USP36: variants seen among roughly 807,000 people sequenced by gnomAD.
USP36 encodes ubiquitin specific peptidase 36, also known as ubiquitin carboxyl-terminal hydrolase 36.
Under a neutral mutation model 111.5 loss-of-function variants are expected in USP36, and 59 were observed. The observed-to-expected ratio is 0.53, with a 90% confidence interval of 0.43 to 0.66. The LOEUF is 0.66. Ranked by LOEUF, USP36 falls within the 30% of genes least tolerant of loss-of-function variation. The pLI, the probability that USP36 is intolerant of heterozygous loss-of-function variation, is 0.00. For synonymous variants in USP36, 628 were observed against 581.0 expected (o/e 1.08, Z -1.16); for missense variants, 1,488 against 1,468.0 (o/e 1.01, Z -0.22).
At chr17:78,788,670 A>G (rs1470335825) in intron 3 of USP36, among the ~76,000 whole-genome samples, 3 of 152,066 alleles carry the variant, frequency 2.0e-5, no homozygotes, top group Non-Finnish European at 4.4e-5. Context: ...TGAAGGAAGG[A>G]AGGGCCAAGG....
At chr17:78,830,153 C>T (rs774682738) in intron 4 of USP36, among the ~76,000 whole-genome samples, 1 of 152,256 alleles carries the variant, frequency 6.6e-6, no homozygotes. Flanking sequence ...CATTCAAAGT[C>T]ACCACTATCC....
chr17:78,793,262 C>G (rs981534961), downstream of USP36, among the ~76,000 whole-genome samples: 1 of 151,962 alleles, frequency 6.6e-6, no homozygotes. Flanking sequence ...AGTCACTTAC[C>G]AAGAGTAGTG....
intron 10 of USP36, among the ~76,000 whole-genome samples, chr17:78,818,146 C>A (rs1453347727): frequency 6.6e-6 from 1 of 152,050 alleles, no homozygotes; most frequent in Non-Finnish European, 1.5e-5. Flanking sequence ...TTCTAAACTC[C>A]ATATTTCATA....
upstream of USP36, chr17:78,841,336 C>T (rs917911855): frequency 7.2e-5 from 11 of 152,330 alleles, no homozygotes; most frequent in African/African-American, 2.4e-4. Context: ...GCTCTGGGGC[C>T]ATCCGTGACT....
At chr17:78,790,282 G>T (rs910926898) in intron 3 of USP36, among the ~76,000 whole-genome samples, 2 of 151,402 alleles carry the variant, frequency 1.3e-5, no homozygotes, top group East Asian at 1.9e-4. Flanking sequence ...TGGAGATATG[G>T]TTTCTTTTTC....
intron 3 of USP36, among the ~76,000 whole-genome samples, chr17:78,788,824 G>A (rs2093557401): frequency 6.6e-6 from 1 of 152,130 alleles, no homozygotes; most frequent in African/African-American, 2.4e-5. Flanking sequence ...CTCCACCAAG[G>A]CCAGAATGCT....
In USP36 at chr17:78,798,274, C is replaced by A. The variant is rs2093662233; in HGVS notation, c.*20+126G>T. 4 of 1,296,692 alleles carry A rather than the reference C, an allele frequency of 3.1e-6. No individual in the cohort carries two copies. In the South Asian group the frequency reaches 5.7e-5, roughly 18 times the overall value. 80.3% of individuals were successfully genotyped at this position (1,296,692 alleles called of 1,614,324 possible). A position where few individuals can be genotyped will look rare whatever the true frequency, so the allele number is the denominator to read the frequency against. On this transcript the variant is annotated intron_variant, in intron 20 of 20. Coordinates refer to ENST00000449938, the MANE Select transcript of USP36 (RefSeq NM_001385174.1). The surrounding 1 kb of genome is among the most constrained non-coding windows in gnomAD (Gnocchi z 5.1). The stretch of plus-strand genomic sequence containing the variant: ...CGCCCACACCACACACACCACCCAA[C>A]ACACATGTGCCAGATACACAGCCCA...
intron 10 of USP36, among the ~76,000 whole-genome samples, chr17:78,815,821 A>G (rs560608567): frequency 7.9e-4 from 118 of 148,818 alleles, no homozygotes; most frequent in African/African-American, 2.9e-3. Flanking sequence ...GTATACACAC[A>G]TGCACACATA....
At chr17:78,800,014 A>C (rs1333290434) in intron 17 of USP36, among the ~76,000 whole-genome samples, 8 of 150,984 alleles carry the variant, frequency 5.3e-5, no homozygotes, top group Admixed American at 5.3e-4. Flanking sequence ...GCCCAGCCTA[A>C]ATGCTTATTT....
At chr17:78,806,004 C>T in intron 15 of USP36, 152 bp downstream of exon 15, 1 of 1,340,068 alleles carries the variant, frequency 7.5e-7, no homozygotes, top group Non-Finnish European at 1.0e-6. Context: ...AGAGGGGGAT[C>T]TTGGTCAGTG....
At position 78,802,354 on chromosome 17, in the gene USP36, C is replaced by A; in HGVS notation, c.2992G>T (p.Ala998Ser). 1 of 1,596,880 alleles carries A rather than the reference C, an allele frequency of 6.3e-7. No individual in the cohort carries two copies. The highest frequency in any genetic ancestry group is 8.5e-7 in the Non-Finnish European group (1 of 1,171,898). The change falls in exon 17 of 21, where the codon GCG (alanine) becomes TCG (serine). Residue 998 changes from alanine to serine, a missense_variant. Ala to Ser is a moderately conservative substitution (Grantham distance 99). Transcript: ENST00000449938. ...CGGTCCCCAGGACACCAGCCATTCG[C>A]GGATGGTGCGCAGCTGCTGGACTCG... The part of the protein sequence containing the change: ...VPESSSCAPS[A>S]NGWCPGDRMG...
rs76569259 is a variant in USP36, at chr17:78,820,256, T to C, written c.829-244A>G. 1.5e-3 allele frequency among the ~76,000 whole-genome samples: 227 copies of C among 152,282 alleles called. 2 individuals carry two copies. Among genetic ancestry groups the C allele is most frequent in the African/African-American group, 5.3e-3 (220 of 41,540 alleles). ...TTGGGAGGCCGGGGCAGGAGGATCA[T>C]TGAGGCCAGGAGTTTGAGACAAGCC... On this transcript the variant is annotated intron_variant, in intron 8 of 20. Coordinates refer to ENST00000449938, the MANE Select transcript of USP36 (RefSeq NM_001385174.1).
intron 17 of USP36, among the ~76,000 whole-genome samples, chr17:78,801,944 G>A (rs1039388719): frequency 6.6e-6 from 1 of 152,220 alleles, no homozygotes; most frequent in African/African-American, 2.4e-5. Context: ...ACCCAAGGGA[G>A]CAGACTCGGG....
rs886141575 is a variant in USP36 at position 78,797,774 on chromosome 17, G to C, written c.*126C>G. ...GGCGGTCTGTGGACACTGGTACCGG[G>C]AGAGCTCCTACCGTGACAGGCTCCC... On this transcript the variant is annotated 3_prime_UTR_variant, in exon 21 of 21. Coordinates refer to ENST00000449938, the MANE Select transcript of USP36 (RefSeq NM_001385174.1). The C allele has an allele frequency of 6.5e-6, 1 of 152,734 alleles. No individual in the cohort carries two copies. The highest frequency in any genetic ancestry group is 1.5e-5 in the Non-Finnish European group (1 of 68,466). The allele number at this position is 152,734 out of a possible 1,614,324, so 9.5% of individuals were successfully genotyped here. A position where few individuals can be genotyped will look rare whatever the true frequency, so the allele number is the denominator to read the frequency against.
Position 78,807,146 on chromosome 17 carries a change from C to A in USP36, c.1898G>T (p.Gly633Val). The A allele has an allele frequency of 1.2e-6, 2 of 1,614,230 alleles. No homozygotes were observed. The highest frequency in any genetic ancestry group is 1.1e-5 in the South Asian group (1 of 91,088). Residue 633 changes from glycine to valine, a missense_variant, in exon 14 of 21, where the codon GGA (glycine) becomes GTA (valine). Physicochemically the swap from Gly to Val is moderately radical, Grantham distance 109. Around this residue, in one of 3 missense-constraint regions of USP36, gnomAD observed 1,073 missense variants for 994.1 expected, o/e 1.08. Transcript: ENST00000449938. ...CTGAGAATCGCAGAGATGGGCCGCT[C>A]CACTCCTGGGGGTCTGGGGGGCCTT... ...STKAPQTPRSGAAHLCDSQET... is the reference protein window; with the variant it reads ...STKAPQTPRSVAAHLCDSQET...
intron 17 of USP36, among the ~76,000 whole-genome samples, chr17:78,801,886 G>C (rs2093752913): frequency 6.6e-6 from 1 of 152,196 alleles, no homozygotes; most frequent in Admixed American, 6.5e-5. Context: ...CTCTCATGGG[G>C]CTGTTTCAGT....
In USP36 at chr17:78,803,816, A is replaced by G. The variant is rs9302885; in HGVS notation, c.2379T>C (p.Ser793=). The G allele has an allele frequency of 0.55, 892,826 of 1,612,298 alleles. 248,486 individuals are homozygous for G. Among genetic ancestry groups the G allele is most frequent in the East Asian group, 0.61 (27,360 of 44,816 alleles). The change falls in exon 16 of 21, where the codon TCT becomes TCC. Residue 793 remains serine (S), a synonymous_variant. Transcript: ENST00000449938. The surrounding 1 kb of genome is among the most constrained non-coding windows in gnomAD (Gnocchi z 4.6). ...TGGCCTCTGGCAACTGGTGTGGAAG[A>G]GACACAAGGTCCTCGTTGACCTGAG... ...ALPQVNEDLV[S]LPHQLPEASE...
At chr17:78,841,164 C>G (rs971206814), upstream of USP36, 1 of 152,290 alleles carries the variant, frequency 6.6e-6, no homozygotes, top group Non-Finnish European at 1.5e-5. Context: ...GTGGCGCGCG[C>G]CCCCGCCCCA....
At chr17:78,831,577 G>A (rs572569137) in intron 4 of USP36, among the ~76,000 whole-genome samples, 1 of 152,214 alleles carries the variant, frequency 6.6e-6, no homozygotes, top group African/African-American at 2.4e-5. Flanking sequence ...TGTGGCAACT[G>A]CACTCCAGCA....
Sources: gnomAD v4.1 joint callset for allele counts (sites outside exome capture counted in the v4.1 genomes callset) on GRCh38, gnomAD v4.1.1 for gene constraint, gnomAD v4.1.1 regional missense constraint, Gnocchi (gnomAD v3.1) non-coding constraint, MANE v1.5 for transcripts, NCBI Gene and HGNC (gene_info 2026-07-23, HGNC 2026-07-21) for gene names.